The following RAB11FIP1 variants were observed in gnomAD, a reference collection of about 807,000 sequenced individuals.
RAB11FIP1 encodes the protein RAB11 family interacting protein 1.
A neutral mutation model predicts 83.1 loss-of-function variants in RAB11FIP1; 49 were observed. The ratio of observed to expected loss-of-function variants is 0.59; its 90% CI spans 0.47 to 0.75. The LOEUF (loss-of-function observed/expected upper bound fraction) is 0.75, where lower values mean the gene tolerates loss of function less well. Ranked by LOEUF, RAB11FIP1 falls within the 30% of genes least tolerant of loss-of-function variation. RAB11FIP1 has a pLI of 0.00. For synonymous variants in RAB11FIP1, 670 were observed against 656.0 expected (o/e 1.02, Z -0.33); for missense variants, 1,536 against 1,598.7 (o/e 0.96, Z 0.67).
chr8:37,882,558 G>A (rs1245045735), intron 1 of RAB11FIP1, among the ~76,000 whole-genome samples: 3 of 152,184 alleles, frequency 2.0e-5, no homozygotes, highest in Non-Finnish European at 4.4e-5. Flanking sequence ...CTAGAGTGGA[G>A]GTGTTCCTCC....
In RAB11FIP1 at chr8:37,861,641, T is replaced by A. The variant is rs1275850386; in HGVS notation, c.*1254A>T. 2.3e-6 allele frequency: 1 copy of A among 431,570 alleles called. No individual in the cohort carries two copies. Among genetic ancestry groups the A allele is most frequent in the Non-Finnish European group, 4.5e-6 (1 of 221,366 alleles). 26.7% of individuals were successfully genotyped at this position (431,570 alleles called of 1,614,324 possible). ...AAAAAAACTCTTGCCCAGGCTGGAG[T>A]GCAGTGGCACGATCTTGGCTCGCTG... On this transcript the variant is annotated 3_prime_UTR_variant, in exon 6 of 6. Transcript: ENST00000330843.
chr8:37,861,775 G>A lies in RAB11FIP1; in HGVS notation c.*1120C>T, dbSNP rs1407725795. On this transcript the variant is annotated 3_prime_UTR_variant, in exon 6 of 6. Coordinates refer to ENST00000330843, the MANE Select transcript of RAB11FIP1 (RefSeq NM_001002814.3). Reference sequence around the variant, plus strand: ...AGCTAATTTTTGTATTTTTAGTAGAGATGGGGTTTCGCCATGTTGGTCAGG... The same window carrying A: ...AGCTAATTTTTGTATTTTTAGTAGAAATGGGGTTTCGCCATGTTGGTCAGG... 5.8e-6 allele frequency: 2 copies of A among 343,248 alleles called. No individual in the cohort carries two copies. Among genetic ancestry groups the A allele is most frequent in the Non-Finnish European group, 1.1e-5 (2 of 177,276 alleles). 21.3% of individuals were successfully genotyped at this position (343,248 alleles called of 1,614,324 possible). A position where few individuals can be genotyped will look rare whatever the true frequency, so the allele number is the denominator to read the frequency against.
intron 2 of RAB11FIP1, among the ~76,000 whole-genome samples, chr8:37,875,543 C>G (rs1806590790): frequency 6.6e-6 from 1 of 152,124 alleles, no homozygotes; most frequent in African/African-American, 2.4e-5. Context: ...AAACTGTCCA[C>G]AGTGCTGAGG....
In RAB11FIP1 at chr8:37,864,382, G is replaced by C. The variant is rs190277898; in HGVS notation, c.3634-1269C>G. On this transcript the variant is annotated intron_variant, in intron 5 of 5. Coordinates refer to ENST00000330843, the MANE Select transcript of RAB11FIP1 (RefSeq NM_001002814.3). ...TGACTTTTCCTGAAATCTGTAGCCT[G>C]AGATTTACATGTTTAAAGAATCAAG... 3.3e-5 allele frequency among the ~76,000 whole-genome samples: 5 copies of C among 152,360 alleles called. No individual in the cohort carries two copies. In the East Asian group the frequency reaches 9.6e-4, roughly 29 times the overall value.
At chr8:37,873,208 G>C in intron 3 of RAB11FIP1, 29 bp from the exon 4 acceptor site, 1 of 1,545,504 alleles carries the variant, frequency 6.5e-7, no homozygotes, top group Non-Finnish European at 8.7e-7. Flanking sequence ...AAAATCTGCA[G>C]GTCAGTGCAG....
intron 1 of RAB11FIP1, among the ~76,000 whole-genome samples, chr8:37,883,147 A>C (rs1806759819): frequency 6.6e-6 from 1 of 151,938 alleles, no homozygotes; most frequent in Non-Finnish European, 1.5e-5. Context: ...AAGCAAAACA[A>C]GAATTGTTTC....
intron 1 of RAB11FIP1, among the ~76,000 whole-genome samples, chr8:37,895,245 ATATATATATATATATTTTT>A (rs1807050108): frequency 1.0e-4 from 1 of 9,754 alleles, no homozygotes; most frequent in Admixed American, 1.8e-3. Flanking sequence ...ATATATATAT[ATATATATATATATATTTTT>A]TTTTTTTTTT....
At chr8:37,871,219 G>C (rs1225083308) in intron 4 of RAB11FIP1, 59 bp downstream of exon 4, 5 of 1,535,544 alleles carry the variant, frequency 3.3e-6, no homozygotes, top group Admixed American at 2.1e-5. Context: ...ACCTCTGCAG[G>C]TAGGAAGCAA....
rs771117199 is a variant in RAB11FIP1, at chr8:37,873,052, C to T, written c.1750G>A (p.Ala584Thr). The change falls in exon 4 of 6, where the codon GCA (alanine) becomes ACA (threonine). Residue 584 changes from alanine to threonine, a missense_variant. Physicochemically the swap from Ala to Thr is moderately conservative, Grantham distance 58. Transcript: ENST00000330843. ...ASVPSELGHG[A>T]DTQSSESPSV... is the part of the protein sequence containing the mutation. ...GGACTCTCAGAGGACTGTGTGTCTG[C>T]ACCATGTCCCAATTCAGAGGGGACA... 2.5e-6 allele frequency: 4 copies of T among 1,613,994 alleles called. No individual in the cohort carries two copies. Among genetic ancestry groups the T allele is most frequent in the African/African-American group, 1.3e-5 (1 of 74,892 alleles).
At chr8:37,898,665 A>AC (rs1309490870) in intron 1 of RAB11FIP1, among the ~76,000 whole-genome samples, 9 of 117,192 alleles carry the variant, frequency 7.7e-5, no homozygotes, top group African/African-American at 3.0e-4. Flanking sequence ...AAAAAAAAAA[A>AC]AAAAATTAGC....
In RAB11FIP1 at chr8:37,860,012, A is replaced by T. The variant is rs1204680660; in HGVS notation, c.*2883T>A. ...GAGGTGCAGGAATGCTATAAACTGA[A>T]TTTTTTCCCAGCAGCAGCAGAAGCC... On this transcript the variant is annotated 3_prime_UTR_variant, in exon 6 of 6. Coordinates refer to ENST00000330843, the MANE Select transcript of RAB11FIP1 (RefSeq NM_001002814.3). 2 of 152,604 alleles carry T rather than the reference A, an allele frequency of 1.3e-5. No homozygotes were observed. Among genetic ancestry groups the T allele is most frequent in the South Asian group, 2.1e-4 (1 of 4,822 alleles). The allele number at this position is 152,604 out of a possible 1,614,324, so 9.5% of individuals were successfully genotyped here.
chr8:37,872,357 G>T lies in RAB11FIP1; in HGVS notation c.2445C>A (p.Leu815=). 6.2e-7 allele frequency: 1 copy of T among 1,614,208 alleles called. No individual in the cohort carries two copies. ...CCCCCGCCACTGCCTCTTCCGTGAA[G>T]AGCTGCTCAGAAAATGACACACGCT... ...TKKRVSFSEQ[L]FTEEAVAGAA... The change falls in exon 4 of 6, where the codon CTC becomes CTA. Residue 815 remains leucine, a synonymous_variant. Transcript: ENST00000330843.
intron 3 of RAB11FIP1, 181 bp from the exon 4 acceptor site, chr8:37,873,360 T>G (rs1246584418): frequency 1.7e-6 from 1 of 581,376 alleles, no homozygotes; most frequent in African/African-American, 1.9e-5. Flanking sequence ...ATCCCAGCAC[T>G]GTGGGAGGCC....
chr8:37,894,357 T>C (rs1437433786), intron 1 of RAB11FIP1, among the ~76,000 whole-genome samples: 5 of 152,214 alleles, frequency 3.3e-5, no homozygotes, highest in Non-Finnish European at 7.3e-5. Context: ...TTTTTTTTAA[T>C]AACCAACATT....
chr8:37,867,753 G>A (rs1194992434), intron 5 of RAB11FIP1, among the ~76,000 whole-genome samples: 2 of 151,714 alleles, frequency 1.3e-5, no homozygotes, highest in Non-Finnish European at 2.9e-5. Context: ...GGGAAAGAAG[G>A]AAAGAAGGAA....
Position 37,899,305 on chromosome 8 carries a change from T to C in RAB11FIP1, c.137A>G (p.Gln46Arg), listed in dbSNP as rs763003156. 2.9e-5 allele frequency: 47 copies of C among 1,609,764 alleles called. No individual in the cohort carries two copies. The highest frequency in any genetic ancestry group is 1.6e-4 in the Middle Eastern group (1 of 6,072). The part of the protein sequence containing the change: ...GGTSDAYAVI[Q>R]VGKEKYATSV... ...GGTGGCGTACTTCTCCTTGCCCACCTGGATCACCGCGTACGCGTCGCTCGT... is the reference window on the plus strand; with the variant it reads ...GGTGGCGTACTTCTCCTTGCCCACCCGGATCACCGCGTACGCGTCGCTCGT... The change falls in exon 1 of 6, where the codon CAG (glutamine) becomes CGG (arginine). Residue 46 changes from glutamine (Q) to arginine (R), a missense_variant. Transcript: ENST00000330843. The surrounding 1 kb of genome is among the most constrained non-coding windows in gnomAD (Gnocchi z 4.5).
At chr8:37,876,056 G>A (rs1332433525) in intron 2 of RAB11FIP1, among the ~76,000 whole-genome samples, 2 of 152,086 alleles carry the variant, frequency 1.3e-5, no homozygotes, top group Non-Finnish European at 1.5e-5. Context: ...TTCACCGGGT[G>A]TGGTGGCACG....
chr8:37,899,106 C>T lies in RAB11FIP1; in HGVS notation c.336G>A (p.Arg112=), dbSNP rs1180238693. ...TGCGGCCCTGGTCGCGGTGCAGATC[C>T]CGCAGGTCCACCTCGGCGCGGCCCA... is the stretch of plus-strand genomic sequence containing the variant. ...KFLGRAEVDL[R]DLHRDQGRRK... Residue 112 remains arginine (R), a synonymous_variant, in exon 1 of 6, where the codon CGG becomes CGA. Transcript: ENST00000330843. This position sits in a 1 kb window ranked among gnomAD's most constrained non-coding sequence, Gnocchi z 4.5. The T allele has an allele frequency of 1.3e-6, 2 of 1,529,530 alleles. No individual in the cohort carries two copies. Among genetic ancestry groups the T allele is most frequent in the East Asian group, 2.6e-5 (1 of 39,172 alleles). The allele number at this position is 1,529,530 out of a possible 1,614,324, so 94.7% of individuals were successfully genotyped here.
chr8:37,895,044 C>T (rs1038865544), intron 1 of RAB11FIP1, among the ~76,000 whole-genome samples: 1 of 146,140 alleles, frequency 6.8e-6, no homozygotes, highest in African/African-American at 2.5e-5. Flanking sequence ...AGGCATGAGC[C>T]ACTACGCCCA....
Sources: gnomAD v4.1 joint callset for allele counts (sites outside exome capture counted in the v4.1 genomes callset) on GRCh38, gnomAD v4.1.1 for gene constraint, Gnocchi (gnomAD v3.1) non-coding constraint, MANE v1.5 for transcripts, NCBI Gene and HGNC (gene_info 2026-07-23, HGNC 2026-07-21) for gene names.